The following OTOG variants were observed in gnomAD, a reference collection of about 807,000 sequenced individuals.
The protein encoded by OTOG is otogelin.
Under a neutral mutation model 313.8 loss-of-function variants are expected in OTOG, and 296 were observed. That is an observed-to-expected ratio of 0.94 (90% CI 0.86 to 1.04). The LOEUF is 1.04. Among genes scored for constraint, OTOG ranks in the 50% least tolerant of loss-of-function variants. The pLI, the probability that OTOG is intolerant of heterozygous loss-of-function variation, is 0.00. For synonymous variants in OTOG, 1,533 were observed against 1,554.9 expected (o/e 0.99, Z 0.33); for missense variants, 3,948 against 3,840.1 (o/e 1.03, Z -0.74).
At chr11:17,565,833 GC>G (rs1000098301) in intron 15 of OTOG, among the ~76,000 whole-genome samples, 4 of 152,106 alleles carry the variant, frequency 2.6e-5, no homozygotes, top group Admixed American at 2.0e-4. Context: ...TGGTGGTGGG[GC>G]TTGAGTGTGT....
At chr11:17,613,725 T>C in intron 39 of OTOG, 24 bp downstream of exon 39, 1 of 1,542,966 alleles carries the variant, frequency 6.5e-7, no homozygotes, top group Non-Finnish European at 8.8e-7. Flanking sequence ...ACAGCCAGCC[T>C]CCAGGGCAGG....
chr11:17,607,517 T>C (rs1853418599), intron 33 of OTOG, among the ~76,000 whole-genome samples: 1 of 152,232 alleles, frequency 6.6e-6, no homozygotes, highest in African/African-American at 2.4e-5. Context: ...TTTCCTCTTC[T>C]CTAAAGTGGG....
chr11:17,628,045 T>C (rs1341239611), intron 39 of OTOG, among the ~76,000 whole-genome samples: 2 of 152,090 alleles, frequency 1.3e-5, no homozygotes, highest in African/African-American at 2.4e-5. Flanking sequence ...CTTTTGTATT[T>C]TTTTATTTCA....
chr11:17,551,166 T>C (rs1851922496), intron 3 of OTOG, among the ~76,000 whole-genome samples: 1 of 152,154 alleles, frequency 6.6e-6, no homozygotes, highest in African/African-American at 2.4e-5. Context: ...GGGGACATTG[T>C]ACAAATGAGG....
rs777371631 is a variant in OTOG, at chr11:17,634,980, C to T, written c.7585+32C>T. On this transcript the variant is annotated intron_variant, in intron 45 of 55. Coordinates refer to ENST00000399397, the MANE Select transcript of OTOG (RefSeq NM_001292063.2). ...GGCCCGGGGTGGGGAGGGTGGGGGA[C>T]GGACTGAGGGCAGTGGGGGGAGGAC... 43 of 1,504,062 alleles carry T rather than the reference C, an allele frequency of 2.9e-5. 1 individual carries two copies. The highest frequency in any genetic ancestry group is 2.8e-4 in the South Asian group (23 of 82,220). The allele number at this position is 1,504,062 out of a possible 1,614,324, so 93.2% of individuals were successfully genotyped here.
chr11:17,570,430 T>G, intron 17 of OTOG, 40 bp downstream of exon 17: 1 of 1,543,518 alleles, frequency 6.5e-7, no homozygotes, highest in South Asian at 1.2e-5. Context: ...AGAGGGGAAA[T>G]GGGCCCCTTA....
At chr11:17,602,872 C>T (rs981279765) in intron 32 of OTOG, among the ~76,000 whole-genome samples, 28 of 152,302 alleles carry the variant, frequency 1.8e-4, no homozygotes, top group African/African-American at 6.5e-4. Context: ...AGCCCACAGT[C>T]CCATCGAGGA....
chr11:17,643,271 T>C (rs1295894012), intron 53 of OTOG, among the ~76,000 whole-genome samples, 190 bp from the exon 54 acceptor site: 1 of 152,244 alleles, frequency 6.6e-6, no homozygotes, highest in Non-Finnish European at 1.5e-5. Context: ...GGGGGCTACG[T>C]GCAGCCTTAG....
chr11:17,586,577 A>G lies in OTOG; in HGVS notation c.2863A>G (p.Thr955Ala). Residue 955 changes from threonine to alanine, a missense_variant, in exon 24 of 56, where the codon ACC becomes GCC. Physicochemically the swap from Thr to Ala is moderately conservative, Grantham distance 58. Transcript: ENST00000399397. ...GGACCAGGTGATGTCTCCTTGCCAT[A>G]CCTGGTAAGTGAGGGTCCCAAGCAG... The part of the protein sequence containing the change: ...PGDQVMSPCH[T>A]CVCQRGSFQC... 1 of 1,384,210 alleles carries G rather than the reference A, an allele frequency of 7.2e-7. No homozygotes were observed. Among genetic ancestry groups the G allele is most frequent in the South Asian group, 1.8e-5 (1 of 55,480 alleles). 85.7% of individuals were successfully genotyped at this position (1,384,210 alleles called of 1,614,324 possible). A position where few individuals can be genotyped will look rare whatever the true frequency, so the allele number is the denominator to read the frequency against.
chr11:17,562,262 A>G (rs866325617), intron 15 of OTOG, among the ~76,000 whole-genome samples: 9 of 149,716 alleles, frequency 6.0e-5, no homozygotes, highest in African/African-American at 2.2e-4. Flanking sequence ...AAAAAAAGAA[A>G]TGTAATGGCT....
chr11:17,585,690 T>C (rs900426604), intron 23 of OTOG, among the ~76,000 whole-genome samples: 1 of 152,186 alleles, frequency 6.6e-6, no homozygotes, highest in Non-Finnish European at 1.5e-5. Flanking sequence ...CATCGTGCCA[T>C]GCTTGGGTTC....
intron 39 of OTOG, among the ~76,000 whole-genome samples, chr11:17,626,374 C>A (rs1456245902): frequency 6.6e-6 from 1 of 152,172 alleles, no homozygotes; most frequent in Non-Finnish European, 1.5e-5. Flanking sequence ...CAGGGTTTCA[C>A]CATGTTGGCC....
chr11:17,629,244 T>C lies in OTOG; in HGVS notation c.6640T>C (p.Trp2214Arg), dbSNP rs1565125284. Residue 2214 changes from tryptophan (W) to arginine (R), a missense_variant, in exon 40 of 56, where the codon TGG becomes CGG. Trp to Arg is a moderately radical substitution (Grantham distance 101). Transcript: ENST00000399397. The stretch of plus-strand genomic sequence containing the variant: ...GACTCCCTCAGACATCCAGATCCAG[T>C]GGCTCCACAGCTCAGGACTCATGAT... ...ILTPSDIQIQ[W>R]LHSSGLMIVE... 6.4e-7 allele frequency: 1 copy of C among 1,550,598 alleles called. No homozygotes were observed.
chr11:17,581,869 T>C (rs1852675706), intron 23 of OTOG, among the ~76,000 whole-genome samples: 1 of 152,244 alleles, frequency 6.6e-6, no homozygotes, highest in African/African-American at 2.4e-5. Flanking sequence ...ATTGCTGTGC[T>C]TCACACCAGC....
chr11:17,601,686 G>T (rs551917689), intron 31 of OTOG, among the ~76,000 whole-genome samples: 11 of 152,130 alleles, frequency 7.2e-5, no homozygotes, highest in African/African-American at 2.7e-4. Context: ...TCCTTACAAG[G>T]TGATTGTCCA....
rs12222908 is a variant in OTOG at position 17,581,192 on chromosome 11, C to T, written c.2759+2666C>T. 4.6e-5 allele frequency among the ~76,000 whole-genome samples: 7 copies of T among 152,022 alleles called. No homozygotes were observed. In the South Asian group the frequency reaches 6.2e-4, roughly 14 times the overall value. On this transcript the variant is annotated intron_variant, in intron 23 of 55. Transcript: ENST00000399397. The stretch of plus-strand genomic sequence containing the variant: ...TCCAAGAGGAATAAATAGAAGGGGG[C>T]GTCGGGGGAGGGAGACAGGAGGTTG...
chr11:17,591,024 G>A (rs1239232183), intron 24 of OTOG, among the ~76,000 whole-genome samples: 1 of 152,146 alleles, frequency 6.6e-6, no homozygotes, highest in Non-Finnish European at 1.5e-5. Context: ...TTTATTTAGT[G>A]TATCTCTTCT....
chr11:17,560,874 G>T lies in OTOG; in HGVS notation c.1451+57G>T. On this transcript the variant is annotated intron_variant, in intron 13 of 55. Coordinates refer to ENST00000399397, the MANE Select transcript of OTOG (RefSeq NM_001292063.2). ...GGGCATGGCCGCTGAGGCTTTCCAC[G>T]AGGGCTGCCCATCTGGGAGCACTAA... 5 of 1,426,658 alleles carry T rather than the reference G, an allele frequency of 3.5e-6. No individual in the cohort carries two copies. In the South Asian group the frequency reaches 4.9e-5, roughly 14 times the overall value. 88.4% of individuals were successfully genotyped at this position (1,426,658 alleles called of 1,614,324 possible).
rs746613342 is a variant in OTOG, at chr11:17,573,127, G to C, written c.2130G>C (p.Ala710=). The change falls in exon 19 of 56, where the codon GCG becomes GCC. Residue 710 remains alanine, a synonymous_variant. Transcript: ENST00000399397. ...GCGTGCTCACGGGGGAGATGTTTGCGCCCTGCTCTGCGTTCCTGAGCCCCG... is the reference window on the plus strand; with the variant it reads ...GCGTGCTCACGGGGGAGATGTTTGCCCCCTGCTCTGCGTTCCTGAGCCCCG... ...ACSVLTGEMF[A]PCSAFLSPVP... 1.9e-6 allele frequency: 3 copies of C among 1,547,230 alleles called. No individual in the cohort carries two copies. The highest frequency in any genetic ancestry group is 2.6e-6 in the Non-Finnish European group (3 of 1,146,918).
Sources: allele counts gnomAD v4.1 joint callset (sites outside exome capture counted in the v4.1 genomes callset), GRCh38; gene constraint gnomAD v4.1.1; transcripts MANE v1.5; gene names NCBI Gene and HGNC (gene_info 2026-07-23, HGNC 2026-07-21).